The following DHX9 variants were observed in gnomAD, a reference collection of about 807,000 sequenced individuals.
DHX9 encodes ATP-dependent RNA helicase A.
In DHX9, 27 loss-of-function variants were observed where a neutral mutation model predicts 148.7. That is an observed-to-expected ratio of 0.18 (90% CI 0.13 to 0.25). The LOEUF is 0.25. Among genes scored for constraint, DHX9 ranks in the 10% least tolerant of loss-of-function variants. DHX9 has a pLI of 1.00. For missense variants in DHX9, 796 were observed against 1,559.6 expected (o/e 0.51, Z 8.25); for synonymous variants, 529 against 516.6 (o/e 1.02, Z -0.33).
chr1:182,861,312 A>G (rs1166109137), intron 12 of DHX9, among the ~76,000 whole-genome samples: 1 of 152,142 alleles, frequency 6.6e-6, no homozygotes, highest in Non-Finnish European at 1.5e-5. Context: ...TTGTTCACAA[A>G]ATTTTCTTTG....
intron 18 of DHX9, 37 bp from the exon 19 acceptor site, chr1:182,876,787 TAATAAG>T (rs749022602): frequency 3.1e-5 from 45 of 1,445,992 alleles, no homozygotes; most frequent in Non-Finnish European, 4.2e-5. Context: ...TTTAAGTAAC[TAATAAG>T]AATATTTTCT....
At chr1:182,875,022 TGTAAC>T (rs1648696789) in intron 16 of DHX9, 68 bp downstream of exon 16, 1 of 1,229,474 alleles carries the variant, frequency 8.1e-7, no homozygotes, top group Non-Finnish European at 1.2e-6. Flanking sequence ...AATGAGTTAA[TGTAAC>T]ATGCAATGTA....
chr1:182,872,610 T>G lies in DHX9; in HGVS notation c.1714+117T>G, dbSNP rs917949785. 4 of 1,090,578 alleles carry G rather than the reference T, an allele frequency of 3.7e-6. No homozygotes were observed. In the African/African-American group the frequency reaches 6.3e-5, roughly 17 times the overall value. The allele number at this position is 1,090,578 out of a possible 1,614,324, so 67.6% of individuals were successfully genotyped here. A position where few individuals can be genotyped will look rare whatever the true frequency, so the allele number is the denominator to read the frequency against. On this transcript the variant is annotated intron_variant, in intron 15 of 27. Transcript: ENST00000367549. ...ACTTAAAATACAGGACAAATTATAGTATCAAATGTATCATAGCATTTTTGA... is the reference window on the plus strand; with the variant it reads ...ACTTAAAATACAGGACAAATTATAGGATCAAATGTATCATAGCATTTTTGA...
chr1:182,864,248 A>G (rs1648179723), intron 12 of DHX9, among the ~76,000 whole-genome samples: 1 of 152,112 alleles, frequency 6.6e-6, no homozygotes, highest in South Asian at 2.1e-4. Context: ...CACCTGACCT[A>G]ACTGATGTTT....
chr1:182,839,567 C>T (rs1330912254), intron 1 of DHX9, 111 bp downstream of exon 1: 1 of 152,554 alleles, frequency 6.6e-6, no homozygotes, highest in East Asian at 1.9e-4. Flanking sequence ...GCGGCGGCGG[C>T]TGGGGGTGGG....
intron 15 of DHX9, among the ~76,000 whole-genome samples, chr1:182,874,341 C>T (rs1355051060): frequency 1.3e-5 from 2 of 152,276 alleles, no homozygotes; most frequent in South Asian, 2.1e-4. Context: ...ATGAGACTGG[C>T]ACTTTGGGAG....
At chr1:182,866,893 T>C (rs1557973376) in intron 13 of DHX9, 68 bp from the exon 14 acceptor site, 5 of 1,211,364 alleles carry the variant, frequency 4.1e-6, no homozygotes, top group South Asian at 1.4e-5. Flanking sequence ...AGTTGAAATA[T>C]AGATAATTGT....
Position 182,876,058 on chromosome 1 carries a change from C to T in DHX9, c.1824C>T (p.Cys608=), listed in dbSNP as rs779837727. 1 of 1,613,166 alleles carries T rather than the reference C, an allele frequency of 6.2e-7. No individual in the cohort carries two copies. Among genetic ancestry groups the T allele is most frequent in the Non-Finnish European group, 8.5e-7 (1 of 1,179,632 alleles). Residue 608 remains cysteine, a synonymous_variant, in exon 17 of 28, where the codon TGC becomes TGT. Transcript: ENST00000367549. ...CTCCCTGTTTTTTACAGGCAAATTG[C>T]AACTTGATCTGTGGTGATGAATATG... ...DDGGEDDDAN[C]NLICGDEYGP... is the part of the protein sequence containing the mutation.
At chr1:182,863,717 C>T (rs375844923) in intron 12 of DHX9, among the ~76,000 whole-genome samples, 12 of 152,028 alleles carry the variant, frequency 7.9e-5, no homozygotes, top group South Asian at 4.1e-4. Flanking sequence ...GATACGCTCA[C>T]GTTAGGCATT....
intron 8 of DHX9, 143 bp downstream of exon 8, chr1:182,858,383 A>G: frequency 8.9e-7 from 1 of 1,120,546 alleles, no homozygotes; most frequent in Non-Finnish European, 1.3e-6. Flanking sequence ...TGTGTCTGGC[A>G]TGATGTTCAT....
chr1:182,876,770 C>CAGT, intron 18 of DHX9, 60 bp from the exon 19 acceptor site: 1 of 1,300,316 alleles, frequency 7.7e-7, no homozygotes, highest in Non-Finnish European at 1.1e-6. Context: ...ATAAGCAAAT[C>CAGT]AGTCCTTTTA....
At chr1:182,859,660 T>G (rs1417269367) in intron 11 of DHX9, among the ~76,000 whole-genome samples, 1 of 152,348 alleles carries the variant, frequency 6.6e-6, no homozygotes, top group East Asian at 1.9e-4. Context: ...TTGCCCAGGC[T>G]GGAGTACAGT....
At chr1:182,851,061 G>A (rs528747144) in intron 3 of DHX9, among the ~76,000 whole-genome samples, 34 of 152,280 alleles carry the variant, frequency 2.2e-4, no homozygotes, top group Middle Eastern at 6.8e-3. Flanking sequence ...TGCCAGGACT[G>A]CCCAGTGAAT....
At chr1:182,844,577 GCT>G (rs1667993165) in intron 3 of DHX9, among the ~76,000 whole-genome samples, 1 of 152,010 alleles carries the variant, frequency 6.6e-6, no homozygotes, top group Non-Finnish European at 1.5e-5. Context: ...ACGGAGTCTT[GCT>G]CTGTTACCTA....
chr1:182,866,659 A>G (rs1215788357), intron 13 of DHX9, 74 bp downstream of exon 13: 2 of 1,481,006 alleles, frequency 1.4e-6, no homozygotes, highest in East Asian at 4.6e-5. Context: ...GCAGAACAGA[A>G]TGACTGGAAA....
intron 17 of DHX9, 55 bp from the exon 18 acceptor site, chr1:182,876,392 C>T (rs1648761455): frequency 6.4e-7 from 1 of 1,570,248 alleles, no homozygotes; most frequent in South Asian, 1.1e-5. Context: ...TAATGGAGAG[C>T]TGTTTGAAAC....
rs769768543 is a variant in DHX9 at position 182,887,212 on chromosome 1, A to G, written c.3591A>G (p.Gly1197=). 19 of 1,612,628 alleles carry G rather than the reference A, an allele frequency of 1.2e-5. No homozygotes were observed. The highest frequency in any genetic ancestry group is 1.6e-5 in the Non-Finnish European group (19 of 1,178,678). Residue 1197 remains glycine (G), a synonymous_variant, in exon 28 of 28, where the codon GGA becomes GGG. Transcript: ENST00000367549. ...ATAGCAGTGGAGGCTATGGTAGCGG[A>G]GGCTATGGTGGCAGCGCCAACTCCT... ...GGYSSGGYGS[G]GYGGSANSFR... is the part of the protein sequence containing the mutation.
intron 14 of DHX9, among the ~76,000 whole-genome samples, chr1:182,869,956 A>T (rs1362045970): frequency 6.6e-6 from 1 of 152,194 alleles, no homozygotes; most frequent in Non-Finnish European, 1.5e-5. Context: ...CTGTCACCTT[A>T]CATAGAAAAC....
intron 27 of DHX9, 126 bp downstream of exon 27, chr1:182,884,939 TATAG>T (rs1047410259): frequency 1.9e-5 from 15 of 802,478 alleles, no homozygotes; most frequent in East Asian, 5.3e-5. Context: ...GATAGAGCTA[TATAG>T]ATAGAGAGTT....
Sources: allele counts gnomAD v4.1 joint callset (sites outside exome capture counted in the v4.1 genomes callset), GRCh38; gene constraint gnomAD v4.1.1; transcripts MANE v1.5; gene names NCBI Gene and HGNC (gene_info 2026-07-23, HGNC 2026-07-21).